The following PINLYP variants were observed in gnomAD, a reference collection of about 807,000 sequenced individuals.
The protein encoded by PINLYP is phospholipase A2 inhibitor and LY6/PLAUR domain containing.
In PINLYP, 12 loss-of-function variants were observed where a neutral mutation model predicts 15.8. The observed-to-expected ratio is 0.76, with a 90% CI of 0.49 to 1.23. The LOEUF (loss-of-function observed/expected upper bound fraction) is 1.23, where lower values mean the gene tolerates loss of function less well. Ranked by LOEUF, PINLYP falls within the 50% of genes most tolerant of loss-of-function variation. PINLYP has a pLI of 0.00. For missense variants in PINLYP, 278 were observed against 264.2 expected (o/e 1.05, Z -0.36); for synonymous variants, 93 against 97.7 (o/e 0.95, Z 0.28).
In PINLYP at chr19:43,576,525, TCA is replaced by T. The variant is rs1972866229; in HGVS notation, c.-471_-470del. 6.6e-6 allele frequency among the ~76,000 whole-genome samples: 1 copy of T among 151,764 alleles called. No homozygotes were observed. The highest frequency in any genetic ancestry group is 2.1e-4 in the South Asian group (1 of 4,816). On this transcript the variant is annotated 5_prime_UTR_variant, in exon 1 of 6. An upstream open reading frame in the 5' UTR loses its in-frame stop. Transcript: ENST00000599207. ...ATCCTGGAGTTCTTCCACAAAAGCC[TCA>T]GTTTCCCAATATGTGGACTGTGGGC... is the stretch of plus-strand genomic sequence containing the variant.
chr19:43,579,499 G>A (rs1225486690), intron 3 of PINLYP, among the ~76,000 whole-genome samples: 1 of 151,344 alleles, frequency 6.6e-6, no homozygotes, highest in African/African-American at 2.4e-5. Context: ...CTCCCGCCTC[G>A]ACCTCCCAAA....
rs1228372690 is a variant in PINLYP at position 43,581,840 on chromosome 19, T to C, written c.482-28T>C. 6 of 1,536,446 alleles carry C rather than the reference T, an allele frequency of 3.9e-6. No homozygotes were observed. In the Admixed American group the frequency reaches 9.8e-5, roughly 25 times the overall value. ...ATGAGGAAGAAGGGGCTGAGGTCCC[T>C]GATTCCAGTCTGAAATCTCCCTTTC... On this transcript the variant is annotated intron_variant, in intron 5 of 5. Transcript: ENST00000599207.
At chr19:43,578,466 GC>G in intron 2 of PINLYP, 123 bp from the exon 3 acceptor site, 3 of 610,910 alleles carry the variant, frequency 4.9e-6, no homozygotes, top group Non-Finnish European at 8.5e-6. Context: ...TCAACATCCC[GC>G]CCATGAAAAA....
chr19:43,581,969 C>T, exon 6 of PINLYP: 1 of 1,536,398 alleles, frequency 6.5e-7, no homozygotes, highest in Non-Finnish European at 8.7e-7. Flanking sequence ...TGTCCTCTTC[C>T]TCCATCATAT....
chr19:43,580,588 G>C, intron 3 of PINLYP: 8 of 959,858 alleles, frequency 8.3e-6, no homozygotes, highest in Non-Finnish European at 8.5e-6. Flanking sequence ...CTGAAATAGA[G>C]TAATCCCGGA....
intron 3 of PINLYP, among the ~76,000 whole-genome samples, chr19:43,579,371 G>T (rs1436972908): frequency 6.6e-6 from 1 of 151,746 alleles, no homozygotes; most frequent in African/African-American, 2.4e-5. Flanking sequence ...TCAGCCTCCC[G>T]AGTAGCTGGA....
In PINLYP at chr19:43,581,627, CA is replaced by C; in HGVS notation, c.408del (p.Lys136AsnfsTer6). The C allele has an allele frequency of 6.5e-7, 1 of 1,536,608 alleles. No homozygotes were observed. The highest frequency in any genetic ancestry group is 8.7e-7 in the Non-Finnish European group (1 of 1,147,018). Reference sequence around the variant, plus strand: ...CCGCCTGCACTGCGAGCTTCAGGGACAAATGCATGGGGCCCATGACCCACTG... The same window carrying C: ...CCGCCTGCACTGCGAGCTTCAGGGACAATGCATGGGGCCCATGACCCACTG... On this transcript the variant is annotated frameshift_variant, in exon 5 of 6. Transcript: ENST00000599207. LOFTEE classifies it high-confidence loss of function.
At position 43,580,699 on chromosome 19, in the gene PINLYP, C is replaced by T. The variant is rs982214327; in HGVS notation, c.188-513C>T. 6 of 985,292 alleles carry T rather than the reference C, an allele frequency of 6.1e-6. No homozygotes were observed. In the African/African-American group the frequency reaches 1.0e-4, roughly 17 times the overall value. The allele number at this position is 985,292 out of a possible 1,614,324, so 61.0% of individuals were successfully genotyped here. On this transcript the variant is annotated intron_variant, in intron 3 of 5. Transcript: ENST00000599207. ...GCAATGGGGAGCTGGAAGAGACCACCAAAGGCCGACTAGGGGCTATGGCAG... is the reference window on the plus strand; with the variant it reads ...GCAATGGGGAGCTGGAAGAGACCACTAAAGGCCGACTAGGGGCTATGGCAG...
intron 3 of PINLYP, chr19:43,580,400 C>T (rs950352859): frequency 4.1e-5 from 17 of 415,080 alleles, no homozygotes; most frequent in Admixed American, 1.9e-4. Context: ...AGAGGGGCAG[C>T]AAGAGACCCT....
In PINLYP at chr19:43,581,703, G is replaced by T. The variant is rs1215882533; in HGVS notation, c.481G>T (p.Gly161Cys). The T allele has an allele frequency of 3.3e-6, 5 of 1,536,238 alleles. No individual in the cohort carries two copies. The South Asian group carries it at 5.9e-5, about 18-fold the overall frequency. The change falls in exon 5 of 6, where the codon GGT becomes TGT. Residue 161 changes from glycine to cysteine, a missense_variant and splice_region_variant. Gly to Cys is a radical substitution (Grantham distance 159, BLOSUM62 -3). Transcript: ENST00000599207. Reference sequence around the variant, plus strand: ...CTCCTTATCTGGACACGTGCAGGCTGGTGAGTGGTGCCTGAATCTCTGGAA... The same window carrying T: ...CTCCTTATCTGGACACGTGCAGGCTTGTGAGTGGTGCCTGAATCTCTGGAA...
intron 2 of PINLYP, 52 bp from the exon 3 acceptor site, chr19:43,578,537 TC>T (rs1312536862): frequency 7.3e-7 from 1 of 1,364,382 alleles, no homozygotes; most frequent in Non-Finnish European, 1.0e-6. Context: ...AAAGTCGTGG[TC>T]CGAAGACCAC....
intron 3 of PINLYP, chr19:43,580,527 G>A (rs1421294424): frequency 1.2e-5 from 12 of 985,682 alleles, no homozygotes; most frequent in African/African-American, 1.8e-5. Flanking sequence ...GGGGAGTTGA[G>A]GAGGCTGGAA....
upstream of PINLYP, chr19:43,575,738 C>T (rs1430942265): frequency 5.6e-6 from 2 of 359,398 alleles, no homozygotes; most frequent in Admixed American, 9.2e-5. Flanking sequence ...CTAGCCTCGC[C>T]TCCCAATGAC....
chr19:43,576,908 G>GGCCC lies in PINLYP; in HGVS notation c.-86_-85insCGCC, dbSNP rs35908249. The GGCCC allele has an allele frequency of 3.0e-6, 1 of 332,146 alleles. No individual in the cohort carries two copies. The highest frequency in any genetic ancestry group is 6.9e-5 in the African/African-American group (1 of 14,406). The allele number at this position is 332,146 out of a possible 1,614,324, so 20.6% of individuals were successfully genotyped here. ...TCAAGCAAACAAACAAACAACAATG[G>GGCCC]GCCGTGGGAAGGTGAGAAAACAGGG... On this transcript the variant is annotated 5_prime_UTR_variant, in exon 1 of 6. An upstream open reading frame in the 5' UTR loses its in-frame stop. Transcript: ENST00000599207.
chr19:43,579,611 A>C (rs1972906016), intron 3 of PINLYP, among the ~76,000 whole-genome samples: 1 of 148,206 alleles, frequency 6.7e-6, no homozygotes, highest in Admixed American at 6.7e-5. Flanking sequence ...AGTAAAATGA[A>C]AGGGAGGCCG....
intron 2 of PINLYP, 21 bp downstream of exon 2, chr19:43,577,282 A>G: frequency 1.3e-6 from 2 of 1,534,524 alleles, no homozygotes; most frequent in Non-Finnish European, 1.7e-6. Flanking sequence ...AGGGACCTGA[A>G]CTGTCTCTGG....
chr19:43,578,791 C>A, intron 3 of PINLYP, 85 bp downstream of exon 3: 1 of 1,061,546 alleles, frequency 9.4e-7, no homozygotes, highest in Non-Finnish European at 1.4e-6. Context: ...GGGGGATCAT[C>A]ATGGTTCTCA....
exon 5 of PINLYP, chr19:43,581,637 G>A (rs1568523464): frequency 8.5e-6 from 13 of 1,536,498 alleles, no homozygotes; most frequent in Non-Finnish European, 1.0e-5. Flanking sequence ...CAAATGCATG[G>A]GGCCCATGAC....
upstream of PINLYP, chr19:43,575,724 C>G (rs539950290): frequency 8.0e-6 from 3 of 373,416 alleles, no homozygotes; most frequent in African/African-American, 4.2e-5. Context: ...CACACAACCC[C>G]GCTCTAGCCT....
Sources: gnomAD v4.1 joint callset for allele counts (sites outside exome capture counted in the v4.1 genomes callset) on GRCh38, gnomAD v4.1.1 for gene constraint, MANE v1.5 for transcripts, NCBI Gene and HGNC (gene_info 2026-07-23, HGNC 2026-07-21) for gene names.